Variants in TALDO1 observed in about 807,000 individuals in gnomAD.
TALDO1 encodes transaldolase 1, also known as transaldolase.
TALDO1 carries 29 observed loss-of-function variants against 38.1 expected under a neutral mutation model. The observed-to-expected ratio is 0.76, with a 90% confidence interval of 0.57 to 1.04. TALDO1 has a LOEUF of 1.04. Among genes scored for constraint, TALDO1 ranks in the 50% least tolerant of loss-of-function variants. The pLI, the probability that TALDO1 is intolerant of heterozygous loss-of-function variation, is 0.00. For synonymous variants in TALDO1, 207 were observed against 176.8 expected (o/e 1.17, Z -1.36); for missense variants, 499 against 438.1 (o/e 1.14, Z -1.24).
chr11:753,455 C>T (rs995211336), intron 1 of TALDO1, among the ~76,000 whole-genome samples: 14 of 151,844 alleles, frequency 9.2e-5, no homozygotes, highest in African/African-American at 2.9e-4. Context: ...GGCGTGAACC[C>T]GGGAGGCAGA....
intron 1 of TALDO1, among the ~76,000 whole-genome samples, chr11:753,259 T>C (rs1267250604): frequency 6.7e-6 from 1 of 149,182 alleles, no homozygotes; most frequent in Non-Finnish European, 1.5e-5. Flanking sequence ...AGGCCGGGTG[T>C]GGTGGCTCAC....
chr11:763,682 T>C lies in TALDO1; in HGVS notation c.638-65T>C, dbSNP rs1862996038. ...TCAAGGTAGTGCAGCCGGCAGGCACTGGGAGGGCAGGTGGGGTGGTACCTC... is the reference window on the plus strand; with the variant it reads ...TCAAGGTAGTGCAGCCGGCAGGCACCGGGAGGGCAGGTGGGGTGGTACCTC... On this transcript the variant is annotated intron_variant, in intron 5 of 7. Transcript: ENST00000319006. 3.8e-6 allele frequency: 6 copies of C among 1,592,036 alleles called. No homozygotes were observed. In the East Asian group the frequency reaches 6.7e-5, roughly 18 times the overall value.
chr11:755,813 C>T (rs1862825901), intron 1 of TALDO1, 66 bp from the exon 2 acceptor site: 10 of 1,612,746 alleles, frequency 6.2e-6, no homozygotes, highest in South Asian at 5.5e-5. Flanking sequence ...TACAGGGTTC[C>T]TTCACATGTT....
In TALDO1 at chr11:758,979, T is replaced by A. The variant is rs200086212; in HGVS notation, c.251T>A (p.Ile84Asn). 6.2e-7 allele frequency: 1 copy of A among 1,612,516 alleles called. No homozygotes were observed. The highest frequency in any genetic ancestry group is 1.3e-5 in the African/African-American group (1 of 74,890). The change falls in exon 3 of 8, where the codon ATT becomes AAT. Residue 84 changes from isoleucine (I) to asparagine (N), a missense_variant. By Grantham distance (149) the Ile-to-Asn change is moderately radical. Transcript: ENST00000319006. ...GSQEDQIKNA[I>N]DKLFVLFGAE... ...CAAGAGGACCAGATTAAAAATGCTATTGATAAACTTTTTGTGTTGTTTGGA... is the reference window on the plus strand; with the variant it reads ...CAAGAGGACCAGATTAAAAATGCTAATGATAAACTTTTTGTGTTGTTTGGA...
chr11:761,785 T>G (rs1228726120), intron 4 of TALDO1, among the ~76,000 whole-genome samples: 1 of 152,100 alleles, frequency 6.6e-6, no homozygotes, highest in Non-Finnish European at 1.5e-5. Context: ...CAAGCTATCT[T>G]TCCACCTCAG....
intron 2 of TALDO1, chr11:756,259 C>T: frequency 2.0e-6 from 1 of 512,730 alleles, no homozygotes; most frequent in Non-Finnish European, 3.5e-6. Flanking sequence ...ATGCAGAGCA[C>T]TTGCAGACCC....
At chr11:758,519 A>AG (rs1421333038) in intron 2 of TALDO1, among the ~76,000 whole-genome samples, 1 of 152,096 alleles carries the variant, frequency 6.6e-6, no homozygotes, top group African/African-American at 2.4e-5. Flanking sequence ...ATGTTTTAAG[A>AG]GAAAAAAAAA....
At chr11:759,322 C>T (rs1476464190) in intron 3 of TALDO1, among the ~76,000 whole-genome samples, 1 of 152,036 alleles carries the variant, frequency 6.6e-6, no homozygotes, top group Non-Finnish European at 1.5e-5. Flanking sequence ...AGTACAGTGG[C>T]GCAATCTCAG....
chr11:753,523 TC>T (rs2133571259), intron 1 of TALDO1, among the ~76,000 whole-genome samples: 1 of 149,336 alleles, frequency 6.7e-6, no homozygotes, highest in South Asian at 2.1e-4. Flanking sequence ...AGAGCGAGAC[TC>T]CGTCTCAAAA....
At chr11:763,146 G>C (rs1862969974) in intron 4 of TALDO1, among the ~76,000 whole-genome samples, 198 bp from the exon 5 acceptor site, 1 of 151,708 alleles carries the variant, frequency 6.6e-6, no homozygotes, top group South Asian at 2.1e-4. Context: ...GAGCGTCTTT[G>C]GCAGCCTGTG....
chr11:749,822 C>T (rs1227420829), intron 1 of TALDO1, among the ~76,000 whole-genome samples: 1 of 152,204 alleles, frequency 6.6e-6, no homozygotes, highest in East Asian at 1.9e-4. Context: ...TCTGGCAGAC[C>T]TGTGTTAGCA....
chr11:764,587 A>G, intron 7 of TALDO1, 154 bp downstream of exon 7: 7 of 1,375,740 alleles, frequency 5.1e-6, no homozygotes, highest in Non-Finnish European at 6.1e-6. Context: ...AGGCCATCCC[A>G]GGGTGGAGGG....
chr11:763,464 T>C lies in TALDO1; in HGVS notation c.582T>C (p.Leu194=). 6.2e-7 allele frequency: 1 copy of C among 1,613,260 alleles called. No individual in the cohort carries two copies. The highest frequency in any genetic ancestry group is 8.5e-7 in the Non-Finnish European group (1 of 1,179,822). ...TCTCCCCATTTGTTGGGCGCATCCT[T>C]GATTGGCATGTGGCAAACACCGACA... ...TLISPFVGRI[L]DWHVANTDKK... is the part of the protein sequence containing the mutation. The change falls in exon 5 of 8, where the codon CTT becomes CTC. Residue 194 remains leucine (L), a synonymous_variant. Transcript: ENST00000319006.
At chr11:757,815 T>A (rs1171456668) in intron 2 of TALDO1, among the ~76,000 whole-genome samples, 1 of 152,196 alleles carries the variant, frequency 6.6e-6, no homozygotes, top group Non-Finnish European at 1.5e-5. Context: ...GTGATGGTTG[T>A]ACAGAACTGT....
At chr11:758,874 G>T in intron 2 of TALDO1, 76 bp from the exon 3 acceptor site, 2 of 1,194,906 alleles carry the variant, frequency 1.7e-6, no homozygotes, top group South Asian at 1.2e-5. Flanking sequence ...CAAAGTGCTG[G>T]GATTACAGGC....
intron 2 of TALDO1, among the ~76,000 whole-genome samples, chr11:757,319 G>T (rs948209441): frequency 5.6e-5 from 8 of 142,632 alleles, no homozygotes; most frequent in African/African-American, 2.1e-4. Context: ...TTGAGATAGA[G>T]TTTGGCTCTG....
intron 7 of TALDO1, 100 bp from the exon 8 acceptor site, chr11:764,698 CCACACAGAGTGCAGA>C: frequency 6.5e-7 from 1 of 1,547,446 alleles, no homozygotes; most frequent in Non-Finnish European, 8.9e-7. Flanking sequence ...GCCGTGGCCC[CCACACAGAGTGCAGA>C]CCCCACAAGG....
chr11:763,204 G>GGC, intron 4 of TALDO1, 140 bp from the exon 5 acceptor site: 6 of 105,126 alleles, frequency 5.7e-5, no homozygotes, highest in Non-Finnish European at 5.1e-5. Context: ...GCCCTCACCT[G>GGC]CCCCGCCCTC....
chr11:753,647 C>T (rs561519463), intron 1 of TALDO1, among the ~76,000 whole-genome samples: 2 of 152,126 alleles, frequency 1.3e-5, no homozygotes, highest in East Asian at 1.9e-4. Context: ...TTACTTGAAC[C>T]TGGGAGTTGG....
Sources: gnomAD v4.1 joint callset for allele counts (sites outside exome capture counted in the v4.1 genomes callset) on GRCh38, gnomAD v4.1.1 for gene constraint, MANE v1.5 for transcripts, NCBI Gene and HGNC (gene_info 2026-07-23, HGNC 2026-07-21) for gene names.